The following CELF2 variants were observed in gnomAD, a reference collection of about 807,000 sequenced individuals.
CELF2 encodes the protein CUG triplet repeat RNA-binding protein 2.
Under a neutral mutation model 62.6 loss-of-function variants are expected in CELF2, and 8 were observed. The ratio of observed to expected loss-of-function variants is 0.13; its 90% CI spans 0.07 to 0.23. The LOEUF (loss-of-function observed/expected upper bound fraction) is 0.23, where lower values mean the gene tolerates loss of function less well. Ranked by LOEUF, CELF2 falls within the 10% of genes least tolerant of loss-of-function variation. CELF2 has a pLI of 1.00. For synonymous variants in CELF2, 258 were observed against 250.0 expected (o/e 1.03, Z -0.30); for missense variants, 333 against 671.0 (o/e 0.50, Z 5.56).
intron 1 of CELF2, among the ~76,000 whole-genome samples, chr10:11,142,091 G>A (rs907435818): frequency 6.6e-6 from 1 of 152,226 alleles, no homozygotes; most frequent in South Asian, 2.1e-4. Context: ...TGCCTGAGAT[G>A]AAAACATCTG....
At chr10:11,139,143 A>G (rs752517203) in intron 1 of CELF2, among the ~76,000 whole-genome samples, 1 of 152,242 alleles carries the variant, frequency 6.6e-6, no homozygotes, top group Non-Finnish European at 1.5e-5. Context: ...ATCTATGGAA[A>G]CAGTAATGCT....
At chr10:11,001,190 A>G (rs545633157), upstream of CELF2, among the ~76,000 whole-genome samples, 1 of 152,208 alleles carries the variant, frequency 6.6e-6, no homozygotes, top group Non-Finnish European at 1.5e-5. Context: ...TTCCAGAGCA[A>G]TATGGGATGT....
the CELF2 span, among the ~76,000 whole-genome samples, chr10:10,620,642 C>T: frequency 6.6e-6 from 1 of 152,166 alleles, no homozygotes; most frequent in Admixed American, 6.5e-5. Context: ...GTGGCTCAGG[C>T]CTGTTATCCC....
chr10:11,051,979 A>G (rs1012341947), intron 1 of CELF2, among the ~76,000 whole-genome samples: 2 of 150,394 alleles, frequency 1.3e-5, no homozygotes, highest in Non-Finnish European at 3.0e-5. Context: ...GCTCACTGCA[A>G]CCTCCAACCT....
At chr10:11,253,798 C>T (rs1451716282) in intron 4 of CELF2, among the ~76,000 whole-genome samples, 1 of 152,048 alleles carries the variant, frequency 6.6e-6, no homozygotes. Flanking sequence ...ATTCTGTGGT[C>T]GTCGTTACTA....
In CELF2 at chr10:11,296,778, G is replaced by A. The variant is rs908919788; in HGVS notation, c.976+8226G>A. On this transcript the variant is annotated intron_variant, in intron 9 of 12. Transcript: ENST00000633077. The surrounding 1 kb of genome is among the most constrained non-coding windows in gnomAD (Gnocchi z 5.0). ...AGAGATTCTGCCCCAAGGAAGTAAGGGAAATTTTAGTAGAAGAGTTGACAT... is the reference window on the plus strand; with the variant it reads ...AGAGATTCTGCCCCAAGGAAGTAAGAGAAATTTTAGTAGAAGAGTTGACAT... Among the ~76,000 whole-genome samples the A allele has an allele frequency of 6.6e-6, 1 of 152,146 alleles. No individual in the cohort carries two copies. Among genetic ancestry groups the A allele is most frequent in the African/African-American group, 2.4e-5 (1 of 41,418 alleles).
intron 1 of CELF2, among the ~76,000 whole-genome samples, chr10:11,025,141 A>T (rs574896083): frequency 1.6e-4 from 24 of 152,042 alleles, no homozygotes; most frequent in African/African-American, 5.5e-4. Flanking sequence ...TAAAAGAGTA[A>T]AGTATTTTGT....
intron 1 of CELF2, among the ~76,000 whole-genome samples, chr10:11,024,696 C>T (rs1381314938): frequency 5.3e-5 from 8 of 152,156 alleles, no homozygotes; most frequent in Non-Finnish European, 2.9e-5. Flanking sequence ...TGCTCTCTGT[C>T]ATAACCATGG....
intron 2 of CELF2, among the ~76,000 whole-genome samples, chr10:11,209,416 G>T (rs1565314857): frequency 6.6e-6 from 1 of 151,638 alleles, no homozygotes; most frequent in African/African-American, 2.4e-5. Context: ...TGGATTTTGG[G>T]CTAAAAAAAG....
At chr10:11,080,922 T>C (rs1381034706) in intron 1 of CELF2, among the ~76,000 whole-genome samples, 1 of 152,250 alleles carries the variant, frequency 6.6e-6, no homozygotes, top group African/African-American at 2.4e-5. Flanking sequence ...TAGGGCTGTC[T>C]GTCTCAGCCT....
the CELF2 span, among the ~76,000 whole-genome samples, chr10:10,565,082 G>T: frequency 2.0e-5 from 3 of 152,206 alleles, no homozygotes; most frequent in Admixed American, 2.0e-4. Context: ...CCTGGCTCCA[G>T]AGCCCATGTT....
the CELF2 span, among the ~76,000 whole-genome samples, chr10:10,549,424 C>T: frequency 6.6e-6 from 1 of 152,216 alleles, no homozygotes; most frequent in African/African-American, 2.4e-5. Flanking sequence ...GCTGAGACTA[C>T]AGGCACCCAC....
chr10:11,070,119 CA>C (rs1201067075), intron 1 of CELF2, among the ~76,000 whole-genome samples: 8 of 140,360 alleles, frequency 5.7e-5, no homozygotes, highest in African/African-American at 8.5e-5. Flanking sequence ...TAAATTCATT[CA>C]AAAAGTAAAA....
chr10:10,951,232 C>G (rs761379158), intron 2 of CELF2, among the ~76,000 whole-genome samples: 1 of 152,076 alleles, frequency 6.6e-6, no homozygotes, highest in African/African-American at 2.4e-5. Flanking sequence ...CAGCCTCGAC[C>G]TTTTGGGCTC....
intron 9 of CELF2, among the ~76,000 whole-genome samples, chr10:11,312,778 A>G (rs1298081742): frequency 6.6e-6 from 1 of 152,198 alleles, no homozygotes; most frequent in Non-Finnish European, 1.5e-5. Flanking sequence ...TAATAAAAAT[A>G]CAAAAATTAG....
At chr10:10,716,577 A>T in the CELF2 span, among the ~76,000 whole-genome samples, 1 of 152,218 alleles carries the variant, frequency 6.6e-6, no homozygotes, top group East Asian at 1.9e-4. Flanking sequence ...ATGAACATTT[A>T]AACCTATTTC....
In CELF2 at chr10:11,260,759, T is replaced by A. The variant is rs1026073732; in HGVS notation, c.538+2887T>A. The stretch of plus-strand genomic sequence containing the variant: ...AAAGAAAATACTCATTTATAACCAT[T>A]TATCCTGAGAACTGAAGACAGACAG... On this transcript the variant is annotated intron_variant, in intron 5 of 12. Transcript: ENST00000633077. The surrounding 1 kb of genome is among the most constrained non-coding windows in gnomAD (Gnocchi z 4.2). 6.6e-6 allele frequency among the ~76,000 whole-genome samples: 1 copy of A among 152,140 alleles called. No homozygotes were observed. The highest frequency in any genetic ancestry group is 1.5e-5 in the Non-Finnish European group (1 of 68,022).
chr10:11,164,760 T>C (rs924662264), intron 1 of CELF2, among the ~76,000 whole-genome samples: 2 of 151,362 alleles, frequency 1.3e-5, no homozygotes, highest in African/African-American at 2.4e-5. Context: ...CCATAAACAA[T>C]GTGCTTTTTA....
At chr10:11,036,441 A>G (rs570306963) in intron 1 of CELF2, among the ~76,000 whole-genome samples, 1 of 152,338 alleles carries the variant, frequency 6.6e-6, no homozygotes, top group South Asian at 2.1e-4. Flanking sequence ...GGTATGTTCT[A>G]TACAATGGCA....
Sources: gnomAD v4.1 joint callset for allele counts (sites outside exome capture counted in the v4.1 genomes callset) on GRCh38, gnomAD v4.1.1 for gene constraint, Gnocchi (gnomAD v3.1) non-coding constraint, MANE v1.5 for transcripts, NCBI Gene and HGNC (gene_info 2026-07-23, HGNC 2026-07-21) for gene names.